The following THADA variants were observed in gnomAD, a reference collection of about 807,000 sequenced individuals.
THADA encodes THADA armadillo repeat containing, also known as tRNA (32-2'-O)-methyltransferase regulator THADA.
A neutral mutation model predicts 219.8 loss-of-function variants in THADA; 213 were observed. That is an observed-to-expected ratio of 0.97 (90% CI 0.87 to 1.09). THADA has a LOEUF of 1.09. THADA is among the 50% of genes least tolerant of loss of function. The pLI is 0.00. For missense variants in THADA, 2,956 were observed against 2,311.3 expected, an observed-to-expected ratio of 1.28 and a Z score of -5.72; for synonymous variants, 1,018 against 828.9, an observed-to-expected ratio of 1.23 and a Z score of -3.92.
rs575417613 is a variant in THADA, at chr2:43,288,647, G to C, written c.5011-1586C>G. ...CTCTCCTGGCACATGAGTACATCTT[G>C]TTCACCACCCAGAAGCTCTCTGAAC... On this transcript the variant is annotated intron_variant, in intron 34 of 37. Transcript: ENST00000405975. Among the ~76,000 whole-genome samples the C allele has an allele frequency of 3.9e-5, 6 of 152,246 alleles. No individual in the cohort carries two copies. The South Asian group carries it at 1.0e-3, about 26-fold the overall frequency.
chr2:43,456,833 A>T (rs1683055426), intron 26 of THADA, among the ~76,000 whole-genome samples: 1 of 152,172 alleles, frequency 6.6e-6, no homozygotes, highest in African/African-American at 2.4e-5. Flanking sequence ...AGTTCAACAC[A>T]CTCAAGATAC....
At chr2:43,572,700 C>T in intron 12 of THADA, 114 bp downstream of exon 12, 1 of 861,286 alleles carries the variant, frequency 1.2e-6, no homozygotes. Flanking sequence ...TCTACTCATT[C>T]TCTTTATGAA....
chr2:43,555,135 T>C (rs1444556421), intron 17 of THADA, among the ~76,000 whole-genome samples: 2 of 151,998 alleles, frequency 1.3e-5, no homozygotes, highest in Admixed American at 6.6e-5. Context: ...GATTCATAAA[T>C]TGTGGTAAAT....
intron 36 of THADA, among the ~76,000 whole-genome samples, chr2:43,235,531 G>T (rs1320363824): frequency 6.6e-6 from 1 of 152,064 alleles, no homozygotes; most frequent in Non-Finnish European, 1.5e-5. Flanking sequence ...GACCTCAAGT[G>T]ATCTGCCCCC....
chr2:43,362,209 G>C (rs11901237), intron 29 of THADA, among the ~76,000 whole-genome samples: 7 of 152,132 alleles, frequency 4.6e-5, no homozygotes, highest in Non-Finnish European at 8.8e-5. Context: ...GTGTGTATTA[G>C]TCTCACAAAA....
intron 29 of THADA, among the ~76,000 whole-genome samples, chr2:43,386,443 C>G (rs74616425): frequency 0.061 from 9,320 of 151,790 alleles, 391 homozygotes; most frequent in Non-Finnish European, 0.097. Flanking sequence ...AATTATTTGA[C>G]AATTTCTAAA....
At position 43,439,599 on chromosome 2, in the gene THADA, G is replaced by C. The variant is rs148138240; in HGVS notation, c.3837-9297C>G. On this transcript the variant is annotated intron_variant, in intron 26 of 37. Coordinates refer to ENST00000405975, the MANE Select transcript of THADA (RefSeq NM_022065.5). ...AATAATGGCCCCAAAGCACAAGAGT[G>C]TGATGCTGGCATATTGTTATAGTTG... is the stretch of plus-strand genomic sequence containing the variant. Among the ~76,000 whole-genome samples, 430 of 147,210 alleles carry C rather than the reference G, an allele frequency of 2.9e-3. 3 individuals are homozygous for C. Among genetic ancestry groups the C allele is most frequent in the African/African-American group, 0.01 (415 of 39,898 alleles).
intron 22 of THADA, among the ~76,000 whole-genome samples, chr2:43,518,742 C>A (rs1402315364): frequency 1.3e-5 from 2 of 152,110 alleles, no homozygotes; most frequent in African/African-American, 4.8e-5. Context: ...CTCCTCTAGG[C>A]CCATAGCTTC....
At chr2:43,240,069 G>A (rs1309039986) in intron 36 of THADA, among the ~76,000 whole-genome samples, 2 of 152,228 alleles carry the variant, frequency 1.3e-5, no homozygotes, top group Admixed American at 1.3e-4. Flanking sequence ...ATTATATCAT[G>A]AGTAGGGGTA....
intron 29 of THADA, among the ~76,000 whole-genome samples, chr2:43,358,637 GA>G (rs1669142394): frequency 6.6e-6 from 1 of 152,198 alleles, no homozygotes; most frequent in African/African-American, 2.4e-5. Context: ...CTGGCTTTCA[GA>G]AAACTGTTTG....
intron 29 of THADA, among the ~76,000 whole-genome samples, chr2:43,357,606 G>A (rs530243373): frequency 6.6e-6 from 1 of 152,330 alleles, no homozygotes; most frequent in South Asian, 2.1e-4. Flanking sequence ...TATGGAATAG[G>A]AAAGTTTAGA....
intron 26 of THADA, among the ~76,000 whole-genome samples, chr2:43,444,355 G>A (rs1162584147): frequency 6.6e-6 from 1 of 152,064 alleles, no homozygotes; most frequent in African/African-American, 2.4e-5. Context: ...ACATTCCTCC[G>A]GAGCACTAAC....
At chr2:43,522,589 G>C (rs552663350) in intron 22 of THADA, among the ~76,000 whole-genome samples, 10 of 152,240 alleles carry the variant, frequency 6.6e-5, no homozygotes, top group Admixed American at 2.6e-4. Flanking sequence ...CTGGCATAGA[G>C]GTTACTCACT....
chr2:43,402,791 TG>T (rs1675024171), intron 28 of THADA, among the ~76,000 whole-genome samples: 1 of 152,146 alleles, frequency 6.6e-6, no homozygotes, highest in Non-Finnish European at 1.5e-5. Context: ...GCTGCTGCTG[TG>T]TAAGTGTGAC....
chr2:43,343,490 A>C (rs558167444), intron 30 of THADA: 3 of 152,408 alleles, frequency 2.0e-5, no homozygotes, highest in African/African-American at 7.2e-5. Flanking sequence ...AGAGTCCTGC[A>C]ACACAGATTT....
intron 36 of THADA, among the ~76,000 whole-genome samples, chr2:43,255,666 G>A (rs757231142): frequency 6.6e-6 from 1 of 152,164 alleles, no homozygotes; most frequent in Non-Finnish European, 1.5e-5. Context: ...TATTGGAGTC[G>A]GGGAATGCTG....
chr2:43,359,661 T>C (rs116609268), intron 29 of THADA, among the ~76,000 whole-genome samples: 1,945 of 152,308 alleles, frequency 0.013, 45 homozygotes, highest in African/African-American at 0.043. Flanking sequence ...GCCTAGGTGA[T>C]GGAGCAAGAC....
At chr2:43,437,076 T>C (rs1016665818) in intron 26 of THADA, among the ~76,000 whole-genome samples, 1 of 152,202 alleles carries the variant, frequency 6.6e-6, no homozygotes, top group South Asian at 2.1e-4. Flanking sequence ...CACCCTGTGG[T>C]TGGTTACTCC....
At chr2:43,420,150 A>G (rs1468042575) in intron 28 of THADA, among the ~76,000 whole-genome samples, 1 of 152,148 alleles carries the variant, frequency 6.6e-6, no homozygotes, top group Admixed American at 6.5e-5. Flanking sequence ...CTGAACTCCC[A>G]CATTTCTTCC....
Sources: gnomAD v4.1 joint callset for allele counts (sites outside exome capture counted in the v4.1 genomes callset) on GRCh38, gnomAD v4.1.1 for gene constraint, MANE v1.5 for transcripts, NCBI Gene and HGNC (gene_info 2026-07-23, HGNC 2026-07-21) for gene names.